The following NSD1 variants were observed in gnomAD, a reference collection of about 807,000 sequenced individuals.
NSD1 encodes the protein nuclear receptor binding SET domain protein 1.
Under a neutral mutation model 242.7 loss-of-function variants are expected in NSD1, and 26 were observed. The ratio of observed to expected loss-of-function variants is 0.11; its 90% confidence interval spans 0.08 to 0.15. NSD1 has a LOEUF of 0.15. Among genes scored for constraint, NSD1 ranks in the 10% least tolerant of loss-of-function variants. The pLI is 1.00. For missense variants in NSD1, 2,495 were observed against 3,272.8 expected, an observed-to-expected ratio of 0.76 and a Z score of 5.80; for synonymous variants, 1,106 against 1,178.1, an observed-to-expected ratio of 0.94 and a Z score of 1.25.
At chr5:177,157,628 G>A (rs904784424) in intron 2 of NSD1, among the ~76,000 whole-genome samples, 1 of 152,140 alleles carries the variant, frequency 6.6e-6, no homozygotes, top group Non-Finnish European at 1.5e-5. Flanking sequence ...GGGCTACAGG[G>A]TGAAACTGTA....
intron 2 of NSD1, among the ~76,000 whole-genome samples, chr5:177,170,696 T>G (rs1044044898): frequency 2.6e-5 from 4 of 152,132 alleles, no homozygotes; most frequent in Admixed American, 6.6e-5. Context: ...TGACTTCCTA[T>G]TCATCCATTT....
upstream of NSD1, among the ~76,000 whole-genome samples, chr5:177,131,994 C>T (rs562340006): frequency 1.3e-4 from 20 of 152,344 alleles, no homozygotes; most frequent in East Asian, 3.9e-3. Flanking sequence ...GGGGGAAGGG[C>T]CCGAGGGGCT....
chr5:177,147,971 G>A (rs1329160893), intron 2 of NSD1, among the ~76,000 whole-genome samples: 1 of 152,116 alleles, frequency 6.6e-6, no homozygotes, highest in Non-Finnish European at 1.5e-5. Flanking sequence ...CCTGTTGAAG[G>A]ACATCTGGGG....
intron 2 of NSD1, among the ~76,000 whole-genome samples, chr5:177,184,371 T>C (rs1760927464): frequency 6.6e-6 from 1 of 152,236 alleles, no homozygotes. Context: ...TGATCAGTGA[T>C]ACTGAGCACC....
chr5:177,185,787 TA>T (rs1403487481), intron 2 of NSD1, among the ~76,000 whole-genome samples: 6 of 24,196 alleles, frequency 2.5e-4, no homozygotes, highest in Non-Finnish European at 3.4e-4. Flanking sequence ...TATATATGTA[TA>T]TTATATATAT....
chr5:177,216,677 T>G (rs910211104), intron 5 of NSD1, among the ~76,000 whole-genome samples: 10 of 151,334 alleles, frequency 6.6e-5, no homozygotes, highest in East Asian at 3.9e-4. Flanking sequence ...TCTGTTTTTT[T>G]TTTTTTTTTT....
intron 2 of NSD1, among the ~76,000 whole-genome samples, chr5:177,138,715 C>T (rs1756557782): frequency 6.6e-6 from 1 of 151,928 alleles, no homozygotes; most frequent in Non-Finnish European, 1.5e-5. Context: ...TCTCGGCTCA[C>T]TGCAATCTCC....
At chr5:177,143,769 A>G (rs1757008773) in intron 2 of NSD1, among the ~76,000 whole-genome samples, 2 of 149,816 alleles carry the variant, frequency 1.3e-5, no homozygotes, top group South Asian at 2.1e-4. Context: ...TGTTAAGTCT[A>G]TGATACAAGA....
chr5:177,193,396 C>T (rs970574749), intron 3 of NSD1, among the ~76,000 whole-genome samples: 1 of 152,058 alleles, frequency 6.6e-6, no homozygotes, highest in Non-Finnish European at 1.5e-5. Flanking sequence ...CCTGCCTCGG[C>T]CTTACAAAAT....
At chr5:177,208,870 A>G (rs13180725) in intron 4 of NSD1, among the ~76,000 whole-genome samples, 1 of 151,518 alleles carries the variant, frequency 6.6e-6, no homozygotes, top group Admixed American at 6.6e-5. Flanking sequence ...TAATTTTTTT[A>G]TTTTTAGTAG....
At chr5:177,162,000 G>T (rs1235915264) in intron 2 of NSD1, among the ~76,000 whole-genome samples, 1 of 151,958 alleles carries the variant, frequency 6.6e-6, no homozygotes, top group Non-Finnish European at 1.5e-5. Context: ...AAAAAGCACA[G>T]ATTGAATCTA....
intron 2 of NSD1, among the ~76,000 whole-genome samples, chr5:177,190,556 C>T (rs1041866235): frequency 5.3e-5 from 8 of 152,194 alleles, no homozygotes; most frequent in African/African-American, 9.7e-5. Flanking sequence ...TCCCAGAGTA[C>T]TGGGATTACA....
chr5:177,184,652 C>G (rs1322055427), intron 2 of NSD1, among the ~76,000 whole-genome samples: 1 of 152,010 alleles, frequency 6.6e-6, no homozygotes, highest in Non-Finnish European at 1.5e-5. Flanking sequence ...GTTTACCCTC[C>G]CAAGTTGCTG....
intron 5 of NSD1, chr5:177,221,074 T>C: frequency 6.6e-6 from 3 of 453,618 alleles, no homozygotes; most frequent in Non-Finnish European, 1.3e-5. Flanking sequence ...GGTTTCACCA[T>C]GTTGGCCAGG....
At chr5:177,153,706 T>C (rs1757908323) in intron 2 of NSD1, among the ~76,000 whole-genome samples, 1 of 152,202 alleles carries the variant, frequency 6.6e-6, no homozygotes, top group South Asian at 2.1e-4. Context: ...CTTATTGTGC[T>C]TCTAGATATT....
At chr5:177,146,511 C>T (rs1757260450) in intron 2 of NSD1, among the ~76,000 whole-genome samples, 1 of 151,980 alleles carries the variant, frequency 6.6e-6, no homozygotes, top group South Asian at 2.1e-4. Flanking sequence ...GCCAGTCTTA[C>T]TTAGGCATTG....
intron 18 of NSD1, 56 bp downstream of exon 18, chr5:177,280,890 A>T: frequency 1.3e-6 from 2 of 1,561,140 alleles, no homozygotes; most frequent in Non-Finnish European, 1.8e-6. Context: ...GCTTGATATC[A>T]TTGATCCTTG....
At chr5:177,156,748 T>C (rs115059682) in intron 2 of NSD1, among the ~76,000 whole-genome samples, 108 of 152,264 alleles carry the variant, frequency 7.1e-4, no homozygotes, top group African/African-American at 2.5e-3. Flanking sequence ...AGTTGCAAAT[T>C]TAAAGGCATG....
At chr5:177,243,532 A>G (rs1480691323) in intron 8 of NSD1, among the ~76,000 whole-genome samples, 1 of 152,158 alleles carries the variant, frequency 6.6e-6, no homozygotes, top group Non-Finnish European at 1.5e-5. Flanking sequence ...GTGGAGTGCA[A>G]TAAAATTGAG....
Sources: allele counts gnomAD v4.1 joint callset (sites outside exome capture counted in the v4.1 genomes callset), GRCh38; gene constraint gnomAD v4.1.1; transcripts MANE v1.5; gene names NCBI Gene and HGNC (gene_info 2026-07-23, HGNC 2026-07-21).